The following SGCZ variants were observed in gnomAD, a reference collection of about 807,000 sequenced individuals.
SGCZ encodes the protein zeta-sarcoglycan.
A neutral mutation model predicts 41.3 loss-of-function variants in SGCZ; 40 were observed. That is an observed-to-expected ratio of 0.97 (90% CI 0.75 to 1.26). The LOEUF is 1.26. Among genes scored for constraint, SGCZ ranks in the 50% most tolerant of loss-of-function variants. The pLI is 0.00. For missense variants in SGCZ, 552 were observed against 369.8 expected (o/e 1.49, Z -4.04); for synonymous variants, 206 against 137.5 (o/e 1.50, Z -3.49).
Position 14,264,282 on chromosome 8 carries a change from G to C in SGCZ, c.337-26603C>G, listed in dbSNP as rs990783538. 2.0e-5 allele frequency among the ~76,000 whole-genome samples: 3 copies of C among 152,162 alleles called. No homozygotes were observed. The East Asian group carries it at 5.8e-4, about 29-fold the overall frequency. On this transcript the variant is annotated intron_variant, in intron 3 of 7. Coordinates refer to ENST00000382080, the MANE Select transcript of SGCZ (RefSeq NM_139167.4). Reference sequence around the variant, plus strand: ...CAGGGATGCTGTGTGTTTAAGGAAAGGAGAAGGAGGTTGAAAGAAAACATA... The same window carrying C: ...CAGGGATGCTGTGTGTTTAAGGAAACGAGAAGGAGGTTGAAAGAAAACATA...
intron 1 of SGCZ, among the ~76,000 whole-genome samples, chr8:15,208,859 T>C (rs968898161): frequency 3.4e-5 from 5 of 149,142 alleles, no homozygotes; most frequent in Non-Finnish European, 7.4e-5. Flanking sequence ...ATAATTCCTA[T>C]ATATCCTAAA....
At position 14,711,677 on chromosome 8, in the gene SGCZ, T is replaced by C. The variant is rs11984845; in HGVS notation, c.40-156751A>G. ...GCTAGTGGAAAAGGATAGGAACATA[T>C]GTAATAAGTCATATTTACCATGTAG... On this transcript the variant is annotated intron_variant, in intron 1 of 7. Coordinates refer to ENST00000382080, the MANE Select transcript of SGCZ (RefSeq NM_139167.4). Among the ~76,000 whole-genome samples the C allele has an allele frequency of 1.4e-3, 207 of 151,260 alleles. 3 individuals carry two copies. Among genetic ancestry groups the C allele is most frequent in the African/African-American group, 4.8e-3 (199 of 41,240 alleles).
intron 1 of SGCZ, among the ~76,000 whole-genome samples, chr8:14,909,335 T>G (rs1364503856): frequency 6.6e-6 from 1 of 152,218 alleles, no homozygotes; most frequent in Non-Finnish European, 1.5e-5. Flanking sequence ...TAATTCCTTT[T>G]TTGAAGTGTT....
chr8:14,387,176 T>A (rs1401645034), intron 2 of SGCZ, among the ~76,000 whole-genome samples: 2 of 152,128 alleles, frequency 1.3e-5, no homozygotes, highest in African/African-American at 4.8e-5. Context: ...GCCTCCTGAG[T>A]AGCTAGGACT....
At chr8:14,945,159 G>T (rs1341599804) in intron 1 of SGCZ, among the ~76,000 whole-genome samples, 6 of 122,818 alleles carry the variant, frequency 4.9e-5, no homozygotes, top group African/African-American at 1.5e-4. Context: ...GTTGTGTGTG[G>T]GTGGGTGGGG....
intron 1 of SGCZ, among the ~76,000 whole-genome samples, chr8:14,925,138 G>A (rs539115169): frequency 1.6e-4 from 25 of 152,220 alleles, no homozygotes; most frequent in South Asian, 4.1e-4. Context: ...GATTATAGGC[G>A]TGAGGCACCA....
At chr8:14,719,961 T>A (rs1228344168) in intron 1 of SGCZ, among the ~76,000 whole-genome samples, 1 of 152,024 alleles carries the variant, frequency 6.6e-6, no homozygotes, top group Non-Finnish European at 1.5e-5. Context: ...ACGCCTAGGT[T>A]TTCTTCTAGG....
chr8:14,400,880 G>A (rs1239903818), intron 2 of SGCZ, among the ~76,000 whole-genome samples: 1 of 152,060 alleles, frequency 6.6e-6, no homozygotes, highest in Non-Finnish European at 1.5e-5. Flanking sequence ...TCTCCAAAGA[G>A]TTTAAATTAA....
At position 14,788,338 on chromosome 8, in the gene SGCZ, C is replaced by T. The variant is rs537176451; in HGVS notation, c.40-233412G>A. Among the ~76,000 whole-genome samples, 14 of 152,172 alleles carry T rather than the reference C, an allele frequency of 9.2e-5. No homozygotes were observed. The East Asian group carries it at 2.7e-3, about 29-fold the overall frequency. ...TGTGTGTTGGAAAGGGAACCTTGGG[C>T]GATTAATTTCTCTAAGTGTTGGCTT... On this transcript the variant is annotated intron_variant, in intron 1 of 7. Coordinates refer to ENST00000382080, the MANE Select transcript of SGCZ (RefSeq NM_139167.4).
At chr8:14,639,058 T>G (rs1806931561) in intron 1 of SGCZ, among the ~76,000 whole-genome samples, 1 of 144,360 alleles carries the variant, frequency 6.9e-6, no homozygotes, top group African/African-American at 2.5e-5. Context: ...TTTTTTTGTC[T>G]TTTTTTGAGA....
intron 1 of SGCZ, among the ~76,000 whole-genome samples, chr8:14,586,590 AG>A (rs1410397735): frequency 6.6e-6 from 1 of 152,228 alleles, no homozygotes; most frequent in Admixed American, 6.5e-5. Flanking sequence ...GAAACTACTA[AG>A]AAAAATAATA....
At chr8:14,628,270 G>T (rs1038178403) in intron 1 of SGCZ, among the ~76,000 whole-genome samples, 1 of 151,920 alleles carries the variant, frequency 6.6e-6, no homozygotes, top group Non-Finnish European at 1.5e-5. Flanking sequence ...AATAAATATT[G>T]TATACATCTC....
intron 2 of SGCZ, among the ~76,000 whole-genome samples, chr8:14,368,726 G>C (rs2117154404): frequency 6.6e-6 from 1 of 152,058 alleles, no homozygotes; most frequent in Admixed American, 6.6e-5. Context: ...GCAGATCCTG[G>C]TTTGTTTCTG....
intron 2 of SGCZ, among the ~76,000 whole-genome samples, chr8:14,368,866 G>T (rs996186802): frequency 6.6e-6 from 1 of 151,702 alleles, no homozygotes; most frequent in Non-Finnish European, 1.5e-5. Flanking sequence ...TTGCAAGAGG[G>T]GAAATCAAAC....
rs571722313 is a variant in SGCZ at position 14,093,252 on chromosome 8, A to G, written c.745-2615T>C. On this transcript the variant is annotated intron_variant, in intron 7 of 7. Coordinates refer to ENST00000382080, the MANE Select transcript of SGCZ (RefSeq NM_139167.4). ...ACTAGGACTCCTGTGATAGTCCCCT[A>G]TCTGGCCTCCTGGTGGCCGATTTTT... Among the ~76,000 whole-genome samples, 28 of 146,658 alleles carry G rather than the reference A, an allele frequency of 1.9e-4. 1 individual carries two copies. The South Asian group carries it at 5.6e-3, about 29-fold the overall frequency.
chr8:14,134,350 G>A (rs1803130622), intron 5 of SGCZ, among the ~76,000 whole-genome samples: 1 of 152,096 alleles, frequency 6.6e-6, no homozygotes, highest in Non-Finnish European at 1.5e-5. Context: ...CATGATGCAG[G>A]GAAAGGCAGC....
intron 1 of SGCZ, among the ~76,000 whole-genome samples, chr8:14,961,911 A>G (rs997228062): frequency 1.3e-5 from 2 of 152,206 alleles, no homozygotes; most frequent in Admixed American, 1.3e-4. Flanking sequence ...GAGCAAGCCA[A>G]TGTATGTCAT....
intron 1 of SGCZ, among the ~76,000 whole-genome samples, chr8:14,876,938 G>A (rs942801846): frequency 1.6e-4 from 25 of 152,200 alleles, no homozygotes; most frequent in African/African-American, 6.0e-4. Flanking sequence ...ATGACTCTTA[G>A]AGATTAACAG....
chr8:14,888,685 T>C (rs1215380919), intron 1 of SGCZ, among the ~76,000 whole-genome samples: 1 of 152,190 alleles, frequency 6.6e-6, no homozygotes, highest in African/African-American at 2.4e-5. Flanking sequence ...TCATTGTTTA[T>C]ATGAAGCAAA....
Sources: gnomAD v4.1 joint callset for allele counts (sites outside exome capture counted in the v4.1 genomes callset) on GRCh38, gnomAD v4.1.1 for gene constraint, MANE v1.5 for transcripts, NCBI Gene and HGNC (gene_info 2026-07-23, HGNC 2026-07-21) for gene names.